NRG3: variants seen among roughly 807,000 people sequenced by gnomAD.
The protein encoded by NRG3 is pro-neuregulin-3, membrane-bound isoform.
In NRG3, 31 loss-of-function variants were observed where a neutral mutation model predicts 66.9. That is an observed-to-expected ratio of 0.46 (90% CI 0.35 to 0.63). NRG3 has a LOEUF of 0.63. Among genes scored for constraint, NRG3 ranks in the 20% least tolerant of loss-of-function variants. NRG3 has a pLI of 0.00. For synonymous variants in NRG3, 393 were observed against 359.4 expected (o/e 1.09, Z -1.06); for missense variants, 910 against 878.9 (o/e 1.04, Z -0.45).
At chr10:82,657,616 G>T (rs1299169628) in intron 2 of NRG3, among the ~76,000 whole-genome samples, 1 of 151,740 alleles carries the variant, frequency 6.6e-6, no homozygotes, top group East Asian at 1.9e-4. Context: ...TATTCACCCT[G>T]GGGAAATACA....
chr10:82,667,227 C>T (rs1313360990), intron 2 of NRG3, among the ~76,000 whole-genome samples: 4 of 152,122 alleles, frequency 2.6e-5, no homozygotes, highest in African/African-American at 9.7e-5. Context: ...ATAACCAACT[C>T]TTCTCTAGGT....
chr10:82,721,906 C>A (rs1056291552), intron 2 of NRG3, among the ~76,000 whole-genome samples: 1 of 149,858 alleles, frequency 6.7e-6, no homozygotes, highest in African/African-American at 2.5e-5. Context: ...AAGCTAGTGA[C>A]TTTGATATTG....
At chr10:82,537,483 T>C (rs1460906159) in intron 2 of NRG3, among the ~76,000 whole-genome samples, 2 of 152,140 alleles carry the variant, frequency 1.3e-5, no homozygotes, top group African/African-American at 4.8e-5. Context: ...TCTTAGTAAC[T>C]GGCCTTGCCT....
intron 2 of NRG3, among the ~76,000 whole-genome samples, chr10:82,530,796 TA>T (rs986439513): frequency 6.6e-6 from 1 of 151,760 alleles, no homozygotes; most frequent in East Asian, 1.9e-4. Context: ...GAAAAATTAT[TA>T]AAAAAAAGTT....
chr10:82,356,764 A>G (rs2083813272), intron 1 of NRG3, among the ~76,000 whole-genome samples: 1 of 152,236 alleles, frequency 6.6e-6, no homozygotes, highest in African/African-American at 2.4e-5. Context: ...TCAATATTAT[A>G]AAAAGTATAC....
Position 82,759,326 on chromosome 10 carries a change from G to A in NRG3, c.1027+20676G>A, listed in dbSNP as rs145745006. On this transcript the variant is annotated intron_variant, in intron 3 of 8. Transcript: ENST00000372141. ...TGCTGAGAGTAAATTAAACCTTCCA[G>A]TCACCAGAATTGTTAGCCAAATAAA... 5.3e-5 allele frequency among the ~76,000 whole-genome samples: 8 copies of A among 152,072 alleles called. No individual in the cohort carries two copies. The East Asian group carries it at 1.5e-3, about 29-fold the overall frequency.
rs564356035 is a variant in NRG3 at position 82,324,439 on chromosome 10, CT to C, written c.824-34294del. 9.2e-5 allele frequency among the ~76,000 whole-genome samples: 14 copies of C among 151,920 alleles called. No individual in the cohort carries two copies. The East Asian group carries it at 2.7e-3, about 29-fold the overall frequency. On this transcript the variant is annotated intron_variant, in intron 1 of 8. Transcript: ENST00000372141. ...TAAAAAATTTCTGACTTCATTATTA[CT>C]TTTTTCCTTCTGCTTATTTTGTGTT...
intron 1 of NRG3, among the ~76,000 whole-genome samples, chr10:81,981,198 G>T (rs1440703355): frequency 6.6e-6 from 1 of 152,108 alleles, no homozygotes; most frequent in African/African-American, 2.4e-5. Flanking sequence ...TATGATGAGA[G>T]ACTTGAGGTA....
chr10:82,980,787 G>A lies in NRG3; in HGVS notation c.1583+1667G>A, dbSNP rs1852791924. Among the ~76,000 whole-genome samples the A allele has an allele frequency of 2.0e-5, 3 of 152,104 alleles. No individual in the cohort carries two copies. The South Asian group carries it at 6.2e-4, about 32-fold the overall frequency. Reference sequence around the variant, plus strand: ...TGCAAAGTAAACATAACAGCCAAGGGGTTCAAAATGTATAATGCGAGTCAA... The same window carrying A: ...TGCAAAGTAAACATAACAGCCAAGGAGTTCAAAATGTATAATGCGAGTCAA... On this transcript the variant is annotated intron_variant, in intron 8 of 8. Transcript: ENST00000372141.
At chr10:82,803,546 A>G (rs2061142621) in intron 3 of NRG3, among the ~76,000 whole-genome samples, 1 of 151,978 alleles carries the variant, frequency 6.6e-6, no homozygotes, top group South Asian at 2.1e-4. Flanking sequence ...TTTTCACCTT[A>G]AAGAGTTTCT....
At chr10:82,185,406 G>A (rs557373518) in intron 1 of NRG3, among the ~76,000 whole-genome samples, 3 of 152,168 alleles carry the variant, frequency 2.0e-5, no homozygotes, top group Admixed American at 1.3e-4. Context: ...CCATCTCTGA[G>A]CTTTATTCTG....
At chr10:82,892,958 A>G (rs937679147) in intron 4 of NRG3, among the ~76,000 whole-genome samples, 1 of 152,074 alleles carries the variant, frequency 6.6e-6, no homozygotes, top group Non-Finnish European at 1.5e-5. Flanking sequence ...ATGTGTGTGT[A>G]TATTCCTGTA....
intron 1 of NRG3, among the ~76,000 whole-genome samples, chr10:82,169,941 T>TGTAA (rs2072434902): frequency 6.6e-6 from 1 of 151,838 alleles, no homozygotes. Context: ...CCTACTTGTG[T>TGTAA]GTAAACAAAT....
intron 2 of NRG3, among the ~76,000 whole-genome samples, chr10:82,542,314 A>G (rs2132767285): frequency 6.6e-6 from 1 of 152,346 alleles, no homozygotes; most frequent in African/African-American, 2.4e-5. Flanking sequence ...TAGTTGGAAC[A>G]TTTTATTTTG....
intron 2 of NRG3, among the ~76,000 whole-genome samples, chr10:82,359,702 A>T (rs887946797): frequency 1.3e-5 from 2 of 152,204 alleles, no homozygotes; most frequent in African/African-American, 4.8e-5. Context: ...CAGTGATCAT[A>T]TATATCCACA....
chr10:82,391,962 T>A (rs554075819), intron 2 of NRG3, among the ~76,000 whole-genome samples: 1 of 125,138 alleles, frequency 8.0e-6, no homozygotes, highest in African/African-American at 3.2e-5. Flanking sequence ...TCAGTAGTGC[T>A]GCCAAAGTTG....
chr10:82,245,978 G>GTTTTTTT (rs372596396), intron 1 of NRG3, among the ~76,000 whole-genome samples: 14 of 103,278 alleles, frequency 1.4e-4, no homozygotes, highest in East Asian at 3.1e-4. Flanking sequence ...CAGTCTTCTG[G>GTTTTTTT]TTTTTTTTTT....
chr10:82,011,572 G>T (rs1465618890), intron 1 of NRG3, among the ~76,000 whole-genome samples: 5 of 152,150 alleles, frequency 3.3e-5, no homozygotes, highest in African/African-American at 1.2e-4. Flanking sequence ...GACAAGGTAA[G>T]TCCCTTCCAC....
At chr10:82,909,100 G>T (rs758165398) in intron 4 of NRG3, among the ~76,000 whole-genome samples, 16 of 152,028 alleles carry the variant, frequency 1.1e-4, no homozygotes, top group Non-Finnish European at 1.9e-4. Context: ...TGCGTAGAAA[G>T]ACTTAATTTC....
Sources: allele counts gnomAD v4.1 joint callset (sites outside exome capture counted in the v4.1 genomes callset), GRCh38; gene constraint gnomAD v4.1.1; transcripts MANE v1.5; gene names NCBI Gene and HGNC (gene_info 2026-07-23, HGNC 2026-07-21).